DPP6: variants seen among roughly 807,000 people sequenced by gnomAD.
DPP6 encodes A-type potassium channel modulatory protein DPP6.
DPP6 carries 69 observed loss-of-function variants against 122.6 expected under a neutral mutation model. The ratio of observed to expected loss-of-function variants is 0.56; its 90% CI spans 0.46 to 0.69. The LOEUF is 0.69. Among genes scored for constraint, DPP6 ranks in the 30% least tolerant of loss-of-function variants. The pLI is 0.00. For missense variants in DPP6, 928 were observed against 1,116.9 expected, an observed-to-expected ratio of 0.83 and a Z score of 2.41; for synonymous variants, 418 against 433.1, an observed-to-expected ratio of 0.97 and a Z score of 0.43.
At chr7:154,312,361 C>G (rs1231505108) in intron 1 of DPP6, among the ~76,000 whole-genome samples, 1 of 152,168 alleles carries the variant, frequency 6.6e-6, no homozygotes, top group African/African-American at 2.4e-5. Context: ...GAATGCAGCC[C>G]TCCACCAATG....
In DPP6 at chr7:154,327,055, C is replaced by T. The variant is rs117384885; in HGVS notation, c.244-119159C>T. 6.8e-3 allele frequency among the ~76,000 whole-genome samples: 1,041 copies of T among 152,032 alleles called. 26 individuals are homozygous for T. The highest frequency in any genetic ancestry group is 0.057 in the East Asian group (295 of 5,146). ...AAGAGAGACGCCTGTGTCTAGGTGT[C>T]TTTGGTTCAGTCCTAATGTTCTGCT... On this transcript the variant is annotated intron_variant, in intron 1 of 25. Coordinates refer to ENST00000377770, the MANE Select transcript of DPP6 (RefSeq NM_130797.4).
chr7:154,444,049 A>G (rs73726879), intron 1 of DPP6, among the ~76,000 whole-genome samples: 28,890 of 151,888 alleles, frequency 0.19, 3,886 homozygotes, highest in African/African-American at 0.38. Context: ...GAGCCAAATT[A>G]GATGTTCAAA....
At chr7:153,772,967 GAA>G in the DPP6 span, among the ~76,000 whole-genome samples, 228 of 71,632 alleles carry the variant, frequency 3.2e-3, 6 homozygotes, top group African/African-American at 0.015. Context: ...ATATATAAAA[GAA>G]AAGACTTATA....
intron 1 of DPP6, among the ~76,000 whole-genome samples, chr7:154,411,595 C>T (rs1447480360): frequency 1.3e-5 from 2 of 152,160 alleles, no homozygotes; most frequent in Admixed American, 1.3e-4. Context: ...CAGTTGCAAA[C>T]CCAAATCTAT....
the DPP6 span, among the ~76,000 whole-genome samples, chr7:153,777,908 A>C: frequency 6.8e-6 from 1 of 147,194 alleles, no homozygotes; most frequent in Admixed American, 6.6e-5. Flanking sequence ...GTGCAGACAC[A>C]AGATATTTGG....
At chr7:154,142,069 C>G (rs1795874326) in intron 1 of DPP6, among the ~76,000 whole-genome samples, 1 of 152,146 alleles carries the variant, frequency 6.6e-6, no homozygotes, top group Non-Finnish European at 1.5e-5. Context: ...AATACACTTT[C>G]TATTTGTGCT....
At chr7:154,672,507 G>T (rs1280877026) in intron 7 of DPP6, among the ~76,000 whole-genome samples, 3 of 152,178 alleles carry the variant, frequency 2.0e-5, no homozygotes, top group East Asian at 1.9e-4. Context: ...ATGAAGAATT[G>T]GATGGTGGCA....
chr7:154,816,323 T>C, intron 16 of DPP6, among the ~76,000 whole-genome samples: 1 of 152,228 alleles, frequency 6.6e-6, no homozygotes, highest in Non-Finnish European at 1.5e-5. Flanking sequence ...TACAGTATAT[T>C]GTTATAATAG....
chr7:153,763,549 GA>G, the DPP6 span, among the ~76,000 whole-genome samples: 3 of 152,060 alleles, frequency 2.0e-5, no homozygotes, highest in South Asian at 4.1e-4. Context: ...AGGGAACAAG[GA>G]AAAAAAGATG....
At chr7:154,060,935 C>T (rs532879199) in intron 1 of DPP6, among the ~76,000 whole-genome samples, 1 of 147,716 alleles carries the variant, frequency 6.8e-6, no homozygotes, top group East Asian at 1.9e-4. Flanking sequence ...CCCCCACTGG[C>T]ATAGGACCCC....
chr7:154,668,177 T>C lies in DPP6; in HGVS notation c.681-1183T>C, dbSNP rs565901208. Among the ~76,000 whole-genome samples, 30 of 64,112 alleles carry C rather than the reference T, an allele frequency of 4.7e-4. No individual in the cohort carries two copies. The East Asian group carries it at 0.013, about 27-fold the overall frequency. 42.1% of individuals were successfully genotyped at this position (64,112 alleles called of 152,430 possible). A position where few individuals can be genotyped will look rare whatever the true frequency, so the allele number is the denominator to read the frequency against. On this transcript the variant is annotated intron_variant, in intron 6 of 25. Transcript: ENST00000377770. The stretch of plus-strand genomic sequence containing the variant: ...TTCTTTCTACAGATGAGTGGGTGCA[T>C]TCCCAGCTATGTGTATATTTTATAT...
chr7:154,508,871 C>G (rs983694609), intron 3 of DPP6, among the ~76,000 whole-genome samples: 1 of 152,128 alleles, frequency 6.6e-6, no homozygotes, highest in African/African-American at 2.4e-5. Flanking sequence ...GGTAATGTGG[C>G]ATAAAAATGA....
the DPP6 span, among the ~76,000 whole-genome samples, chr7:153,878,003 C>A: frequency 6.6e-6 from 1 of 152,078 alleles, no homozygotes; most frequent in African/African-American, 2.4e-5. Flanking sequence ...TACTAAGAAA[C>A]ATATAAAAGC....
intron 7 of DPP6, among the ~76,000 whole-genome samples, chr7:154,694,805 T>G (rs1178078718): frequency 6.6e-6 from 1 of 152,190 alleles, no homozygotes; most frequent in Non-Finnish European, 1.5e-5. Flanking sequence ...ACATTCATGC[T>G]GATACCAGGA....
the DPP6 span, among the ~76,000 whole-genome samples, chr7:153,807,102 A>T: frequency 2.9e-3 from 444 of 152,038 alleles, 8 homozygotes; most frequent in African/African-American, 0.01. Context: ...TCTGTTAGAG[A>T]TTAGAATGCA....
chr7:153,828,188 C>T, the DPP6 span, among the ~76,000 whole-genome samples: 1 of 152,134 alleles, frequency 6.6e-6, no homozygotes, highest in Admixed American at 6.5e-5. Context: ...CTCTGCAGTG[C>T]AGTGTCCGAG....
intron 1 of DPP6, among the ~76,000 whole-genome samples, chr7:153,967,723 T>C (rs545394368): frequency 2.0e-5 from 3 of 152,220 alleles, no homozygotes; most frequent in South Asian, 2.1e-4. Context: ...CCTGTGTGCA[T>C]GCGAGATAGT....
intron 1 of DPP6, among the ~76,000 whole-genome samples, chr7:154,309,705 G>A (rs1382360768): frequency 6.6e-6 from 1 of 152,142 alleles, no homozygotes; most frequent in Non-Finnish European, 1.5e-5. Flanking sequence ...TAAGATAAAT[G>A]TGGTAACAGG....
intron 1 of DPP6, among the ~76,000 whole-genome samples, chr7:154,231,924 G>T (rs1360320508): frequency 6.6e-6 from 1 of 152,204 alleles, no homozygotes; most frequent in Non-Finnish European, 1.5e-5. Flanking sequence ...TACTCTACCA[G>T]CCAGGGAGGA....
Sources: gnomAD v4.1 joint callset for allele counts (sites outside exome capture counted in the v4.1 genomes callset) on GRCh38, gnomAD v4.1.1 for gene constraint, MANE v1.5 for transcripts, NCBI Gene and HGNC (gene_info 2026-07-23, HGNC 2026-07-21) for gene names.